Variants in CAMKMT observed in about 807,000 individuals in gnomAD.
CAMKMT encodes the protein calmodulin-lysine N-methyltransferase, also known as CaM KMT.
Under a neutral mutation model 48.0 loss-of-function variants are expected in CAMKMT, and 53 were observed. That is an observed-to-expected ratio of 1.10 (90% confidence interval 0.89 to 1.39). The LOEUF is 1.39. Among genes scored for constraint, CAMKMT ranks in the 40% most tolerant of loss-of-function variants. The pLI is 0.00. For synonymous variants in CAMKMT, 165 were observed against 152.3 expected, an observed-to-expected ratio of 1.08 and a Z score of -0.61; for missense variants, 428 against 402.7, an observed-to-expected ratio of 1.06 and a Z score of -0.54.
intron 3 of CAMKMT, among the ~76,000 whole-genome samples, chr2:44,556,749 G>A (rs13021672): frequency 3.8e-4 from 9 of 23,848 alleles, no homozygotes; most frequent in Admixed American, 1.1e-3. Context: ...GATTACAGGC[G>A]TGAGCCACCG....
chr2:44,666,005 G>A (rs901897782), intron 3 of CAMKMT, among the ~76,000 whole-genome samples: 25 of 152,178 alleles, frequency 1.6e-4, no homozygotes, highest in African/African-American at 5.1e-4. Context: ...CGGAGATAAT[G>A]AAAGAAATAG....
intron 2 of CAMKMT, among the ~76,000 whole-genome samples, chr2:44,378,317 C>G (rs1679900960): frequency 1.3e-5 from 2 of 152,134 alleles, no homozygotes; most frequent in Admixed American, 1.3e-4. Context: ...GAAATGTTCC[C>G]TTAAACATTT....
At chr2:44,729,695 A>G (rs1678976913) in intron 7 of CAMKMT, among the ~76,000 whole-genome samples, 1 of 152,156 alleles carries the variant, frequency 6.6e-6, no homozygotes, top group South Asian at 2.1e-4. Flanking sequence ...GGAAGAGTTG[A>G]GCATGTGATC....
intron 3 of CAMKMT, among the ~76,000 whole-genome samples, chr2:44,686,902 G>A (rs1676368996): frequency 6.6e-6 from 1 of 152,162 alleles, no homozygotes; most frequent in Non-Finnish European, 1.5e-5. Context: ...CCCTTAGCAT[G>A]TTTACTAGCC....
chr2:44,550,244 TA>T, intron 3 of CAMKMT, among the ~76,000 whole-genome samples: 1 of 151,586 alleles, frequency 6.6e-6, no homozygotes, highest in East Asian at 1.9e-4. Context: ...TACAAATCAT[TA>T]AAAAAATTAG....
chr2:44,710,480 C>T (rs765083367), intron 6 of CAMKMT, among the ~76,000 whole-genome samples: 3 of 152,112 alleles, frequency 2.0e-5, no homozygotes, highest in African/African-American at 7.2e-5. Context: ...TCAAAGCCCC[C>T]ACACCTGAGA....
intron 3 of CAMKMT, among the ~76,000 whole-genome samples, chr2:44,660,236 A>G (rs907027175): frequency 2.6e-5 from 4 of 152,194 alleles, no homozygotes; most frequent in African/African-American, 9.6e-5. Flanking sequence ...CTGCTTCTGC[A>G]TTTAGTCTTT....
rs1250022596 is a variant in CAMKMT at position 44,671,798 on chromosome 2, GA to G, written c.377-32484del. On this transcript the variant is annotated intron_variant, in intron 3 of 10. Transcript: ENST00000378494. ...TATTTCTCTTTGTTTCTGGCTAAAAGAGGGCATTGTATTTTCATGATTTTTT... is the reference window on the plus strand; with the variant it reads ...TATTTCTCTTTGTTTCTGGCTAAAAGGGGCATTGTATTTTCATGATTTTTT... 3.3e-5 allele frequency among the ~76,000 whole-genome samples: 5 copies of G among 152,156 alleles called. No homozygotes were observed. The East Asian group carries it at 9.6e-4, about 29-fold the overall frequency.
At chr2:44,487,755 A>G (rs1669282772) in intron 3 of CAMKMT, among the ~76,000 whole-genome samples, 1 of 152,248 alleles carries the variant, frequency 6.6e-6, no homozygotes, top group African/African-American at 2.4e-5. Flanking sequence ...GATAGTCAGA[A>G]GACCCATAAG....
chr2:44,497,738 A>AGAGAGAGAGAGAGAGG (rs1558657797), intron 3 of CAMKMT, among the ~76,000 whole-genome samples: 2 of 150,406 alleles, frequency 1.3e-5, no homozygotes, highest in African/African-American at 4.9e-5. Context: ...AGAGAGAGAG[A>AGAGAGAGAGAGAGAGG]GAGAGGGATA....
chr2:44,679,053 C>T (rs1157202323), intron 3 of CAMKMT, among the ~76,000 whole-genome samples: 1 of 152,140 alleles, frequency 6.6e-6, no homozygotes, highest in Non-Finnish European at 1.5e-5. Context: ...TCTTATGAAT[C>T]GAATTCCCAA....
chr2:44,558,729 G>T (rs955210513), intron 3 of CAMKMT, among the ~76,000 whole-genome samples: 1 of 152,096 alleles, frequency 6.6e-6, no homozygotes, highest in African/African-American at 2.4e-5. Context: ...GGAGCTAAAC[G>T]TTGAGTACAC....
At chr2:44,546,681 A>G (rs546222019) in intron 3 of CAMKMT, among the ~76,000 whole-genome samples, 1 of 152,246 alleles carries the variant, frequency 6.6e-6, no homozygotes, top group Non-Finnish European at 1.5e-5. Flanking sequence ...ATGGGTAGTT[A>G]TTAATAGCCC....
chr2:44,422,279 A>G (rs1403324396), intron 3 of CAMKMT, among the ~76,000 whole-genome samples: 1 of 152,248 alleles, frequency 6.6e-6, no homozygotes, highest in Non-Finnish European at 1.5e-5. Flanking sequence ...TACAGCCTGT[A>G]GAACTGTGAG....
At chr2:44,432,474 T>C (rs1353853643) in intron 3 of CAMKMT, among the ~76,000 whole-genome samples, 2 of 152,186 alleles carry the variant, frequency 1.3e-5, no homozygotes, top group African/African-American at 2.4e-5. Context: ...CAGAAGAGAA[T>C]ACTGGTGGGA....
chr2:44,476,510 A>G (rs988771937), intron 3 of CAMKMT, among the ~76,000 whole-genome samples: 2 of 152,126 alleles, frequency 1.3e-5, no homozygotes, highest in African/African-American at 4.8e-5. Context: ...TATATCAAGA[A>G]TATAAGTGAA....
At chr2:44,536,097 G>A (rs896208351) in intron 3 of CAMKMT, among the ~76,000 whole-genome samples, 1 of 152,024 alleles carries the variant, frequency 6.6e-6, no homozygotes, top group African/African-American at 2.4e-5. Context: ...AATCAAATAA[G>A]TAATCTCATT....
chr2:44,442,996 T>C (rs1400551170), intron 3 of CAMKMT, among the ~76,000 whole-genome samples: 1 of 152,250 alleles, frequency 6.6e-6, no homozygotes, highest in African/African-American at 2.4e-5. Flanking sequence ...CTTTTCTTTA[T>C]CTTCTTCCCG....
At chr2:44,558,767 A>C (rs1668160313) in intron 3 of CAMKMT, among the ~76,000 whole-genome samples, 1 of 152,200 alleles carries the variant, frequency 6.6e-6, no homozygotes, top group South Asian at 2.1e-4. Context: ...AACAATAGAC[A>C]CTTGGGACTC....
Sources: allele counts gnomAD v4.1 joint callset (sites outside exome capture counted in the v4.1 genomes callset), GRCh38; gene constraint gnomAD v4.1.1; transcripts MANE v1.5; gene names NCBI Gene and HGNC (gene_info 2026-07-23, HGNC 2026-07-21).